RPAIN: variants seen among roughly 807,000 people sequenced by gnomAD.
RPAIN encodes the protein RPA interacting protein, also known as RPA-interacting protein.
RPAIN carries 29 observed loss-of-function variants against 30.5 expected under a neutral mutation model. The ratio of observed to expected loss-of-function variants is 0.95; its 90% CI spans 0.71 to 1.30. The LOEUF is 1.30. Ranked by LOEUF, RPAIN falls within the 50% of genes most tolerant of loss-of-function variation. RPAIN has a pLI of 0.00. For missense variants in RPAIN, 247 were observed against 264.7 expected (o/e 0.93, Z 0.46); for synonymous variants, 101 against 93.5 (o/e 1.08, Z -0.46).
rs575065852 is a variant in RPAIN at position 5,422,216 on chromosome 17, G to T, written c.253-553G>T. ...GGCTATTGACTGTTAACTTCAGTTT[G>T]CCTCTTTGAGGTTTAGTTTTCACAT... On this transcript the variant is annotated intron_variant, in intron 2 of 6. Transcript: ENST00000381209. Among the ~76,000 whole-genome samples, 39 of 152,288 alleles carry T rather than the reference G, an allele frequency of 2.6e-4. No individual in the cohort carries two copies. The South Asian group carries it at 7.7e-3, about 30-fold the overall frequency.
chr17:5,420,289 C>G lies in RPAIN; in HGVS notation c.79C>G (p.Gln27Glu), dbSNP rs1326541565. The change falls in exon 1 of 7, where the codon CAG becomes GAG. Residue 27 changes from glutamine to glutamate, a missense_variant and splice_region_variant. Gln to Glu is a conservative substitution (Grantham distance 29, BLOSUM62 2). Coordinates refer to ENST00000381209, the MANE Select transcript of RPAIN (RefSeq NM_001033002.4). ...GSPPWKEAFR[Q>E]RCLERMRNSR... ...GCCGCCTTGGAAAGAGGCTTTCCGG[C>G]AGGTGGGTATGGGGTTTGTGCAGTG... The G allele has an allele frequency of 1.2e-6, 2 of 1,613,118 alleles. No homozygotes were observed. Among genetic ancestry groups the G allele is most frequent in the African/African-American group, 2.7e-5 (2 of 74,864 alleles).
chr17:5,431,536 C>G lies in RPAIN; in HGVS notation c.631-1006C>G, dbSNP rs536816838. The G allele has an allele frequency of 1.2e-4, 54 of 440,124 alleles. 1 individual carries two copies. The highest frequency in any genetic ancestry group is 8.6e-4 in the South Asian group (54 of 62,942). The allele number at this position is 440,124 out of a possible 1,614,324, so 27.3% of individuals were successfully genotyped here. On this transcript the variant is annotated intron_variant, in intron 6 of 6. Transcript: ENST00000381209. ...AAAGACAAAATTGTATTCTGTAGGT[C>G]TTGAGTTCAACATTTGGAAAGGTAG...
At chr17:5,431,133 T>A (rs1915870529) in intron 6 of RPAIN, 1 of 312,538 alleles carries the variant, frequency 3.2e-6, no homozygotes, top group Admixed American at 4.7e-5. Context: ...CAGTGCCGGC[T>A]CTGGGGTGGG....
intron 6 of RPAIN, chr17:5,432,332 C>T (rs1567590289): frequency 1.5e-5 from 8 of 540,632 alleles, no homozygotes. Context: ...GCTGATGGTT[C>T]CCAGGGCAGT....
intron 6 of RPAIN, chr17:5,431,776 G>A (rs1251914648): frequency 5.0e-6 from 2 of 396,798 alleles, no homozygotes; most frequent in Admixed American, 2.9e-5. Context: ...GGTGGTCCTG[G>A]GATGGAATAT....
intron 6 of RPAIN, chr17:5,431,094 T>C (rs148416832): frequency 1.8e-5 from 5 of 277,844 alleles, no homozygotes; most frequent in Non-Finnish European, 2.8e-5. Context: ...AGGTGAGTGC[T>C]GTGCAGCAGT....
At chr17:5,431,547 CAT>C (rs1388861494) in intron 6 of RPAIN, 2 of 438,078 alleles carry the variant, frequency 4.6e-6, no homozygotes, top group Non-Finnish European at 9.0e-6. Flanking sequence ...TTGAGTTCAA[CAT>C]TTGGAAAGGT....
chr17:5,426,372 C>A, intron 5 of RPAIN, 73 bp downstream of exon 5: 1 of 1,297,488 alleles, frequency 7.7e-7, no homozygotes, highest in Non-Finnish European at 1.1e-6. Context: ...TCCTCCAGTG[C>A]TGACTTGGAG....
intron 6 of RPAIN, chr17:5,431,500 AGAG>A (rs1260982732): frequency 1.1e-5 from 5 of 436,158 alleles, no homozygotes; most frequent in Admixed American, 2.7e-5. Flanking sequence ...AAAAAAAAAA[AGAG>A]GAGGGGGAAA....
intron 6 of RPAIN, chr17:5,431,392 T>A (rs948065658): frequency 1.4e-5 from 6 of 442,794 alleles, no homozygotes; most frequent in African/African-American, 1.0e-4. Flanking sequence ...AAGGCTGAAG[T>A]GGGAGGATGG....
chr17:5,428,875 C>T, intron 6 of RPAIN: 1 of 986,350 alleles, frequency 1.0e-6, no homozygotes, highest in Non-Finnish European at 1.2e-6. Context: ...ATTAGGAGCA[C>T]ACTGTACTTC....
chr17:5,423,280 CAGG>C (rs925533559), intron 3 of RPAIN, among the ~76,000 whole-genome samples: 1 of 150,776 alleles, frequency 6.6e-6, no homozygotes, highest in Non-Finnish European at 1.5e-5. Flanking sequence ...GAGGCTGAGG[CAGG>C]AGTATTGCTT....
chr17:5,422,866 A>C, intron 3 of RPAIN, 37 bp downstream of exon 3: 3 of 1,476,730 alleles, frequency 2.0e-6, no homozygotes, highest in Non-Finnish European at 2.8e-6. Context: ...ACCTGTATTT[A>C]GCTACTGGAA....
At chr17:5,425,600 T>C (rs1374926996) in intron 3 of RPAIN, 1 of 353,576 alleles carries the variant, frequency 2.8e-6, no homozygotes, top group Non-Finnish European at 5.5e-6. Context: ...CCTCCCAAAG[T>C]GTTGGGATTA....
At chr17:5,426,169 GA>G (rs760446227) in intron 4 of RPAIN, 66 bp from the exon 5 acceptor site, 882 of 1,584,400 alleles carry the variant, frequency 5.6e-4, no homozygotes, top group Non-Finnish European at 6.7e-4. Context: ...TTTGTTGCCT[GA>G]AATTCAAGGT....
Position 5,422,833 on chromosome 17 carries a change from A to G in RPAIN, c.313+4A>G, listed in dbSNP as rs369355591. ...CAACAGGAGCTGATCAACCAAGGTA[A>G]CCCCTAGTGGTAGTCCTTCCTTACC... On this transcript the variant is annotated splice_donor_region_variant and intron_variant, in intron 3 of 6. Transcript: ENST00000381209. The G allele has an allele frequency of 3.1e-5, 49 of 1,603,540 alleles. No individual in the cohort carries two copies. In the African/African-American group the frequency reaches 6.4e-4, roughly 21 times the overall value.
chr17:5,428,241 T>G, intron 6 of RPAIN, 30 bp downstream of exon 6: 1 of 1,614,072 alleles, frequency 6.2e-7, no homozygotes, highest in East Asian at 2.2e-5. Flanking sequence ...CACTCTGTGG[T>G]AAGAGGGACC....
chr17:5,420,301 G>A lies in RPAIN; in HGVS notation c.81+10G>A. The stretch of plus-strand genomic sequence containing the variant: ...AGAGGCTTTCCGGCAGGTGGGTATG[G>A]GGTTTGTGCAGTGGTCTACCCTAGA... On this transcript the variant is annotated intron_variant, in intron 1 of 6. Transcript: ENST00000381209. 6 of 1,612,386 alleles carry A rather than the reference G, an allele frequency of 3.7e-6. No homozygotes were observed. The East Asian group carries it at 8.9e-5, about 24-fold the overall frequency.
At chr17:5,425,228 C>G (rs754124674) in intron 3 of RPAIN, 6 of 440,444 alleles carry the variant, frequency 1.4e-5, no homozygotes, top group Non-Finnish European at 2.7e-5. Flanking sequence ...CTAGCAGATA[C>G]TAGGTACTGT....
Sources: allele counts gnomAD v4.1 joint callset (sites outside exome capture counted in the v4.1 genomes callset), GRCh38; gene constraint gnomAD v4.1.1; transcripts MANE v1.5; gene names NCBI Gene and HGNC (gene_info 2026-07-23, HGNC 2026-07-21).